SLIT2: variants seen among roughly 807,000 people sequenced by gnomAD.
The protein encoded by SLIT2 is slit guidance ligand 2.
SLIT2 carries 41 observed loss-of-function variants against 185.7 expected under a neutral mutation model. The ratio of observed to expected loss-of-function variants is 0.22; its 90% CI spans 0.17 to 0.29. SLIT2 has a LOEUF of 0.29. SLIT2 is among the 10% of genes least tolerant of loss of function. The pLI, the probability that SLIT2 is intolerant of heterozygous loss-of-function variation, is 1.00. For missense variants in SLIT2, 1,571 were observed against 1,909.0 expected (o/e 0.82, Z 3.30); for synonymous variants, 693 against 680.2 (o/e 1.02, Z -0.29).
rs936270545 is a variant in SLIT2, at chr4:20,528,744, C to A, written c.1463-205C>A. On this transcript the variant is annotated intron_variant, in intron 15 of 36. Transcript: ENST00000504154. The surrounding 1 kb of genome is among the most constrained non-coding windows in gnomAD (Gnocchi z 4.2). ...AAAAGCTCAACTTTATTAATGTTTT[C>A]CTGTCATGTGAATCTGGTCACTCTT... Among the ~76,000 whole-genome samples the A allele has an allele frequency of 2.0e-5, 3 of 152,122 alleles. No homozygotes were observed. The highest frequency in any genetic ancestry group is 7.2e-5 in the African/African-American group (3 of 41,408).
chr4:20,343,680 AT>A (rs1721146291), intron 4 of SLIT2, among the ~76,000 whole-genome samples: 1 of 150,226 alleles, frequency 6.7e-6, no homozygotes, highest in Admixed American at 6.7e-5. Context: ...TTTTATATTT[AT>A]TTTTTTGTAG....
At chr4:20,569,279 A>C in intron 29 of SLIT2, 1 of 376,150 alleles carries the variant, frequency 2.7e-6, no homozygotes, top group Non-Finnish European at 4.9e-6. Context: ...TTAGTCCCAC[A>C]ATTAAATGGC....
Position 20,528,761 on chromosome 4 carries a change from G to T in SLIT2, c.1463-188G>T, listed in dbSNP as rs1003074116. The stretch of plus-strand genomic sequence containing the variant: ...AATGTTTTCCTGTCATGTGAATCTG[G>T]TCACTCTTTTTTCCAGAAAATTCCA... On this transcript the variant is annotated intron_variant, in intron 15 of 36. Coordinates refer to ENST00000504154, the MANE Select transcript of SLIT2 (RefSeq NM_004787.4). The surrounding 1 kb of genome is among the most constrained non-coding windows in gnomAD (Gnocchi z 4.2). 6.6e-6 allele frequency among the ~76,000 whole-genome samples: 1 copy of T among 152,104 alleles called. No individual in the cohort carries two copies. The highest frequency in any genetic ancestry group is 1.5e-5 in the Non-Finnish European group (1 of 68,032).
At chr4:20,316,646 T>C in intron 4 of SLIT2, among the ~76,000 whole-genome samples, 1 of 151,592 alleles carries the variant, frequency 6.6e-6, no homozygotes, top group Middle Eastern at 3.4e-3. Context: ...TATATTTATA[T>C]ATAAATATGT....
chr4:20,466,913 G>T (rs545552443), intron 4 of SLIT2, among the ~76,000 whole-genome samples: 1 of 152,108 alleles, frequency 6.6e-6, no homozygotes, highest in African/African-American at 2.4e-5. Context: ...AGAATTTTCT[G>T]CTTTCATTGA....
chr4:20,437,190 T>C (rs756301740), intron 4 of SLIT2, among the ~76,000 whole-genome samples: 6 of 152,104 alleles, frequency 3.9e-5, no homozygotes, highest in Non-Finnish European at 7.4e-5. Context: ...CGCATCTCCA[T>C]TTGGATGTCT....
At chr4:20,306,723 T>A (rs1365553880) in intron 4 of SLIT2, among the ~76,000 whole-genome samples, 1 of 152,106 alleles carries the variant, frequency 6.6e-6, no homozygotes, top group Non-Finnish European at 1.5e-5. Context: ...TGGACTGTAC[T>A]TTTACTTAGG....
chr4:20,534,240 G>A (rs1326568117), intron 18 of SLIT2, among the ~76,000 whole-genome samples: 1 of 152,116 alleles, frequency 6.6e-6, no homozygotes, highest in Non-Finnish European at 1.5e-5. Context: ...AGCTTATCTG[G>A]AGACTACTGT....
chr4:20,276,456 C>T (rs969510825), intron 4 of SLIT2, among the ~76,000 whole-genome samples: 28 of 152,088 alleles, frequency 1.8e-4, no homozygotes, highest in Non-Finnish European at 3.1e-4. Flanking sequence ...AAAGACCAGT[C>T]CTTGACAACA....
At chr4:20,307,231 TTTCCTTCCTTCCTTCCTTCCTTCC>T (rs71181557) in intron 4 of SLIT2, among the ~76,000 whole-genome samples, 25 of 57,768 alleles carry the variant, frequency 4.3e-4, no homozygotes, top group African/African-American at 1.7e-3. Flanking sequence ...CTCTATTTCT[TTTCCTTCCTTCCTTCCTTCCTTCC>T]TTCCTTCCTT....
chr4:20,608,156 A>C (rs958695955), intron 33 of SLIT2, among the ~76,000 whole-genome samples: 1 of 152,110 alleles, frequency 6.6e-6, no homozygotes, highest in Non-Finnish European at 1.5e-5. Flanking sequence ...AATTTTTGCT[A>C]TGCTGGGTAT....
intron 34 of SLIT2, chr4:20,615,099 G>A (rs1729550527): frequency 6.6e-6 from 1 of 152,062 alleles, no homozygotes. Flanking sequence ...AAATAGTTTT[G>A]GAAGAAGTTC....
At chr4:20,320,147 C>T (rs1189157863) in intron 4 of SLIT2, among the ~76,000 whole-genome samples, 1 of 152,158 alleles carries the variant, frequency 6.6e-6, no homozygotes, top group Non-Finnish European at 1.5e-5. Context: ...GGAAAATCTA[C>T]AGATAAACAT....
chr4:20,570,549 T>C (rs890759807), intron 29 of SLIT2, among the ~76,000 whole-genome samples: 1 of 151,610 alleles, frequency 6.6e-6, no homozygotes, highest in Non-Finnish European at 1.5e-5. Flanking sequence ...CTTCTTAGGA[T>C]AGAATAATTC....
chr4:20,491,047 A>T (rs1455808698), intron 8 of SLIT2, among the ~76,000 whole-genome samples: 1 of 152,202 alleles, frequency 6.6e-6, no homozygotes, highest in East Asian at 1.9e-4. Context: ...TTCAACCATT[A>T]ATGTCTCATT....
intron 12 of SLIT2, among the ~76,000 whole-genome samples, chr4:20,519,806 G>T (rs1182370066): frequency 6.6e-6 from 1 of 151,876 alleles, no homozygotes; most frequent in Non-Finnish European, 1.5e-5. Context: ...GCCGAGGCAG[G>T]TGGATCACGA....
At chr4:20,314,166 A>G (rs1319201985) in intron 4 of SLIT2, among the ~76,000 whole-genome samples, 2 of 152,138 alleles carry the variant, frequency 1.3e-5, no homozygotes, top group Admixed American at 6.5e-5. Flanking sequence ...AACAACTGAC[A>G]TATTCCAGCT....
chr4:20,548,718 A>G lies in SLIT2; in HGVS notation c.2417+159A>G, dbSNP rs528049393. Among the ~76,000 whole-genome samples the G allele has an allele frequency of 2.6e-4, 39 of 152,312 alleles. No individual in the cohort carries two copies. The South Asian group carries it at 2.7e-3, about 11-fold the overall frequency. On this transcript the variant is annotated intron_variant, in intron 23 of 36. Transcript: ENST00000504154. ...ACCACGATACGTGAACAATGTAGACATTAGGAAAAGTATTGCGTTCTATTA... is the reference window on the plus strand; with the variant it reads ...ACCACGATACGTGAACAATGTAGACGTTAGGAAAAGTATTGCGTTCTATTA...
rs1715196493 is a variant in SLIT2, at chr4:20,472,278, A to ATAGATC, written c.467+4457_467+4458insGATCTA. 2.0e-3 allele frequency among the ~76,000 whole-genome samples: 65 copies of ATAGATC among 32,856 alleles called. 4 individuals are homozygous for ATAGATC. The highest frequency in any genetic ancestry group is 0.019 in the Admixed American group (37 of 1,912). 21.6% of individuals were successfully genotyped at this position (32,856 alleles called of 152,430 possible). On this transcript the variant is annotated intron_variant, in intron 5 of 36. Transcript: ENST00000504154. ...TAGATCTATATATAGATATATATCT[A>ATAGATC]TATATATAGATATATAGATATATAG...
Sources: gnomAD v4.1 joint callset for allele counts (sites outside exome capture counted in the v4.1 genomes callset) on GRCh38, gnomAD v4.1.1 for gene constraint, Gnocchi (gnomAD v3.1) non-coding constraint, MANE v1.5 for transcripts, NCBI Gene and HGNC (gene_info 2026-07-23, HGNC 2026-07-21) for gene names.